The following ST7L variants were observed in gnomAD, a reference collection of about 807,000 sequenced individuals.
The protein encoded by ST7L is suppression of tumorigenicity 7 like, also known as suppressor of tumorigenicity 7 protein-like.
A neutral mutation model predicts 72.5 loss-of-function variants in ST7L; 57 were observed. The observed-to-expected ratio is 0.79, with a 90% CI of 0.64 to 0.98. The LOEUF (loss-of-function observed/expected upper bound fraction) is 0.98, where lower values mean the gene tolerates loss of function less well. ST7L is among the 50% of genes least tolerant of loss of function. The probability of loss-of-function intolerance (pLI) is 0.00; values close to 1 mark genes in which losing one functional copy is unlikely to be tolerated. For missense variants in ST7L, 576 were observed against 672.2 expected (o/e 0.86, Z 1.58); for synonymous variants, 221 against 240.9 (o/e 0.92, Z 0.77).
At chr1:112,565,046 A>G (rs186276662) in intron 11 of ST7L, among the ~76,000 whole-genome samples, 3 of 150,386 alleles carry the variant, frequency 2.0e-5, no homozygotes, top group Admixed American at 6.6e-5. Flanking sequence ...ATTTTTATTT[A>G]TTATTATTAT....
At chr1:112,612,961 TA>T (rs1047584287) in intron 2 of ST7L, among the ~76,000 whole-genome samples, 1 of 150,992 alleles carries the variant, frequency 6.6e-6, no homozygotes, top group Non-Finnish European at 1.5e-5. Flanking sequence ...CTACAAAACA[TA>T]AAAAAAATGA....
intron 14 of ST7L, chr1:112,540,587 C>T (rs1655942367): frequency 1.0e-6 from 1 of 985,286 alleles, no homozygotes; most frequent in African/African-American, 1.7e-5. Flanking sequence ...GGCCTACAGC[C>T]AGTGGCAACT....
chr1:112,585,588 C>T (rs1664752880), intron 6 of ST7L, among the ~76,000 whole-genome samples: 1 of 152,054 alleles, frequency 6.6e-6, no homozygotes, highest in African/African-American at 2.4e-5. Context: ...AAAAAATTAG[C>T]TGGGCGCAGT....
At chr1:112,584,199 G>A in intron 6 of ST7L, 73 bp from the exon 7 acceptor site, 2 of 1,444,230 alleles carry the variant, frequency 1.4e-6, no homozygotes, top group East Asian at 2.4e-5. Context: ...ATGTCCCTTT[G>A]CTCTATGTCA....
intron 14 of ST7L, chr1:112,540,230 T>G: frequency 2.0e-6 from 2 of 985,432 alleles, no homozygotes; most frequent in Non-Finnish European, 2.4e-6. Context: ...CCACTCCACT[T>G]GCCTGAGACA....
At chr1:112,543,868 CAAAAAAAAAAA>C (rs11418345) in intron 13 of ST7L, among the ~76,000 whole-genome samples, 1 of 59,448 alleles carries the variant, frequency 1.7e-5, no homozygotes, top group Non-Finnish European at 3.2e-5. Flanking sequence ...GACTCTATCT[CAAAAAAAAAAA>C]AAAAAAAAAA....
rs754222306 is a variant in ST7L, at chr1:112,619,067, G to A, written c.47C>T (p.Ser16Phe). 1 of 1,613,866 alleles carries A rather than the reference G, an allele frequency of 6.2e-7. No homozygotes were observed. Among genetic ancestry groups the A allele is most frequent in the Admixed American group, 1.7e-5 (1 of 60,026 alleles). The change falls in exon 1 of 15, where the codon TCT becomes TTT. Residue 16 changes from serine to phenylalanine, a missense_variant. This residue lies in a region of ST7L where 56 missense variants were observed against 45.8 expected (regional missense o/e 1.22). Coordinates refer to ENST00000358039, the MANE Select transcript of ST7L (RefSeq NM_017744.5). Reference sequence around the variant, plus strand: ...GTTTAGGCCAGGGACAGATGCAGGAGACGCTCCAACAGCTGCGGCTTCACC... The same window carrying A: ...GTTTAGGCCAGGGACAGATGCAGGAAACGCTCCAACAGCTGCGGCTTCACC... ...GVGEAAAVGA[S>F]PASVPGLNPT...
rs926024463 is a variant in ST7L at position 112,579,605 on chromosome 1, T to C, written c.1070-1188A>G. Among the ~76,000 whole-genome samples the C allele has an allele frequency of 2.6e-5, 4 of 152,102 alleles. 1 individual carries two copies. Among genetic ancestry groups the C allele is most frequent in the African/African-American group, 7.2e-5 (3 of 41,436 alleles). On this transcript the variant is annotated intron_variant, in intron 9 of 14. Coordinates refer to ENST00000358039, the MANE Select transcript of ST7L (RefSeq NM_017744.5). ...TTATTTTTCTTAAATTATTATTTTT[T>C]AGAAAATAAAAATTTCATCTGGAAC...
chr1:112,596,812 A>G (rs1276929235), intron 5 of ST7L, among the ~76,000 whole-genome samples: 1 of 151,868 alleles, frequency 6.6e-6, no homozygotes, highest in East Asian at 1.9e-4. Flanking sequence ...TAATTTTTAT[A>G]TTTTTGTAGA....
intron 11 of ST7L, among the ~76,000 whole-genome samples, chr1:112,563,511 G>C (rs1006498880): frequency 1.3e-5 from 2 of 152,166 alleles, no homozygotes; most frequent in Admixed American, 6.5e-5. Context: ...ACCAAAGCTA[G>C]GACCTAATAT....
intron 14 of ST7L, chr1:112,540,987 T>C (rs1167938787): frequency 9.6e-6 from 6 of 623,248 alleles, no homozygotes; most frequent in South Asian, 3.3e-5. Flanking sequence ...TAAGTTCATA[T>C]AGAAAAGTAA....
intron 1 of ST7L, 186 bp from the exon 2 acceptor site, chr1:112,617,081 T>A: frequency 2.7e-6 from 1 of 372,950 alleles, no homozygotes; most frequent in Non-Finnish European, 4.8e-6. Context: ...TTGCAACAAA[T>A]CAAAATGAGG....
chr1:112,600,467 G>A (rs899159039), intron 4 of ST7L, among the ~76,000 whole-genome samples: 2 of 152,020 alleles, frequency 1.3e-5, no homozygotes, highest in African/African-American at 4.8e-5. Context: ...GTGGTGGCAT[G>A]TGCCTATAGT....
intron 9 of ST7L, among the ~76,000 whole-genome samples, chr1:112,580,879 G>C (rs767926504): frequency 5.3e-5 from 8 of 152,204 alleles, no homozygotes; most frequent in Non-Finnish European, 1.2e-4. Flanking sequence ...AGTGAGCCGA[G>C]ATTGCACCAC....
rs1434889355 is a variant in ST7L, at chr1:112,538,784, GTGA to G, written c.1629+3164_1629+3166del. ...TAGGGTTTCCCACTATTGCACTTTG[GTGA>G]TGATGATGACAATAAAGGTAGCAAC... On this transcript the variant is annotated intron_variant, in intron 14 of 14. Transcript: ENST00000358039. 2.6e-5 allele frequency among the ~76,000 whole-genome samples: 4 copies of G among 152,130 alleles called. No individual in the cohort carries two copies. The East Asian group carries it at 5.8e-4, about 22-fold the overall frequency.
At chr1:112,538,740 C>T (rs562192067) in intron 14 of ST7L, among the ~76,000 whole-genome samples, 2 of 152,122 alleles carry the variant, frequency 1.3e-5, no homozygotes, top group Non-Finnish European at 2.9e-5. Context: ...GGACATATCT[C>T]CTTTAAACAA....
intron 14 of ST7L, chr1:112,540,600 A>G: frequency 1.0e-6 from 1 of 985,472 alleles, no homozygotes; most frequent in Non-Finnish European, 1.2e-6. Flanking sequence ...TGGCAACTTA[A>G]CACATTATAT....
At chr1:112,606,934 T>A (rs1243850732) in intron 3 of ST7L, among the ~76,000 whole-genome samples, 1 of 152,156 alleles carries the variant, frequency 6.6e-6, no homozygotes, top group African/African-American at 2.4e-5. Flanking sequence ...ACAGTTACAT[T>A]AGAGGTTAGA....
At chr1:112,543,661 G>A (rs1048888802) in intron 13 of ST7L, among the ~76,000 whole-genome samples, 3 of 152,004 alleles carry the variant, frequency 2.0e-5, no homozygotes, top group Non-Finnish European at 4.4e-5. Context: ...TTGAGTTCAG[G>A]GGTTTGAGAT....
Sources: allele counts gnomAD v4.1 joint callset (sites outside exome capture counted in the v4.1 genomes callset), GRCh38; gene constraint gnomAD v4.1.1; regional missense constraint gnomAD v4.1.1; transcripts MANE v1.5; gene names NCBI Gene and HGNC (gene_info 2026-07-23, HGNC 2026-07-21).